Variants in TFR2 observed in about 807,000 individuals in gnomAD.
TFR2 encodes transferrin receptor protein 2.
In TFR2, 64 loss-of-function variants were observed where a neutral mutation model predicts 91.9. That is an observed-to-expected ratio of 0.70 (90% CI 0.57 to 0.86). The LOEUF (loss-of-function observed/expected upper bound fraction) is 0.86. Ranked by LOEUF, TFR2 falls within the 40% of genes least tolerant of loss-of-function variation. The pLI is 0.00. For missense variants in TFR2, 950 were observed against 1,080.5 expected (o/e 0.88, Z 1.69); for synonymous variants, 454 against 459.6 (o/e 0.99, Z 0.15).
intron 8 of TFR2, 62 bp from the exon 9 acceptor site, chr7:100,631,114 T>C: frequency 1.4e-6 from 2 of 1,437,854 alleles, no homozygotes; most frequent in East Asian, 2.5e-5. Context: ...TCCAAATCAC[T>C]CTTTTCCTTA....
At chr7:100,626,423 C>G in intron 17 of TFR2, 1 of 1,147,294 alleles carries the variant, frequency 8.7e-7, no homozygotes, top group Non-Finnish European at 1.1e-6. Context: ...CATGCTTTTT[C>G]TTTCCAGAAG....
intron 3 of TFR2, among the ~76,000 whole-genome samples, chr7:100,634,639 C>CAATTCAA (rs1430333087): frequency 4.6e-5 from 7 of 152,190 alleles, no homozygotes; most frequent in Non-Finnish European, 2.9e-5. Flanking sequence ...CAGGAAAATT[C>CAATTCAA]AATTCAAAAC....
intron 6 of TFR2, chr7:100,632,736 AC>A (rs1192698455): frequency 9.3e-6 from 3 of 321,078 alleles, no homozygotes; most frequent in African/African-American, 5.8e-5. Context: ...AAAAAAAAGA[AC>A]CTTTTTTTTT....
chr7:100,620,829 G>A lies in TFR2; in HGVS notation c.*28C>T. ...AGGAGCAGAGGAGCTCTTGACTGGG[G>A]GACGGGGATGTGAGGATCCCCAGGG... is the stretch of plus-strand genomic sequence containing the variant. On this transcript the variant is annotated 3_prime_UTR_variant, in exon 18 of 18. Transcript: ENST00000223051. The A allele has an allele frequency of 1.9e-6, 3 of 1,613,540 alleles. No individual in the cohort carries two copies. The highest frequency in any genetic ancestry group is 2.5e-6 in the Non-Finnish European group (3 of 1,179,606).
rs377134666 is a variant in TFR2, at chr7:100,627,245, C to T, written c.1995+19G>A. ...GCCTCCCACTCCCAGAGACCAAGAG[C>T]GGGGTGGGCCTCTTGAACCTTGAGG... On this transcript the variant is annotated intron_variant, in intron 16 of 17. Transcript: ENST00000223051. The T allele has an allele frequency of 4.5e-6, 7 of 1,546,736 alleles. No individual in the cohort carries two copies. Among genetic ancestry groups the T allele is most frequent in the African/African-American group, 1.4e-5 (1 of 72,942 alleles).
At chr7:100,630,841 TC>T in intron 9 of TFR2, 47 bp downstream of exon 9, 2 of 1,610,184 alleles carry the variant, frequency 1.2e-6, no homozygotes, top group East Asian at 2.2e-5. Context: ...GGGCAGAAAT[TC>T]CCCCAGCCCA....
chr7:100,621,640 CAAAG>C (rs1803114577), intron 17 of TFR2, among the ~76,000 whole-genome samples: 1 of 152,180 alleles, frequency 6.6e-6, no homozygotes, highest in Non-Finnish European at 1.5e-5. Context: ...CTCAAAGCCT[CAAAG>C]AACAATCTAT....
chr7:100,634,926 CTTTT>C (rs756262774), intron 3 of TFR2, among the ~76,000 whole-genome samples: 16 of 152,002 alleles, frequency 1.1e-4, no homozygotes, highest in Non-Finnish European at 2.2e-4. Context: ...CTTTTCTTTT[CTTTT>C]TTCTTTCTTT....
chr7:100,628,705 C>T (rs1376482630), intron 10 of TFR2, among the ~76,000 whole-genome samples: 1 of 151,998 alleles, frequency 6.6e-6, no homozygotes, highest in Non-Finnish European at 1.5e-5. Flanking sequence ...TCCAGCCCAA[C>T]ATGCTTAATC....
chr7:100,620,659 G>T lies in TFR2; in HGVS notation c.*198C>A. On this transcript the variant is annotated 3_prime_UTR_variant, in exon 18 of 18. Coordinates refer to ENST00000223051, the MANE Select transcript of TFR2 (RefSeq NM_003227.4). ...ACCGACAGTATGACCGTCACATTAG[G>T]GTCAGCTACACTGCAGGGCTGGGGT... 1 of 658,438 alleles carries T rather than the reference G, an allele frequency of 1.5e-6. No individual in the cohort carries two copies. The highest frequency in any genetic ancestry group is 2.0e-5 in the South Asian group (1 of 50,246). 40.8% of individuals were successfully genotyped at this position (658,438 alleles called of 1,614,324 possible). A position where few individuals can be genotyped will look rare whatever the true frequency, so the allele number is the denominator to read the frequency against.
In TFR2 at chr7:100,620,995, G is replaced by A. The variant is rs760061994; in HGVS notation, c.2268C>T (p.Ser756=). ...DHLRLLRSNS[S]GTPGATSSTG... ...TGGAGGAGGTGGCCCCGGGGGTCCC[G>A]GAGCTGTTGGAGCGCAGCAGCCGCA... The change falls in exon 18 of 18, where the codon TCC becomes TCT. Residue 756 remains serine (S), a synonymous_variant. Transcript: ENST00000223051. 5.0e-6 allele frequency: 8 copies of A among 1,607,618 alleles called. No individual in the cohort carries two copies. The highest frequency in any genetic ancestry group is 4.5e-5 in the East Asian group (2 of 44,494).
Position 100,620,726 on chromosome 7 carries a change from G to A in TFR2, c.*131C>T. ...TGGGGTCTGGGCTCCGTGGAGAGAT[G>A]TGTAGGGGTAATGAGAAATTGATCA... On this transcript the variant is annotated 3_prime_UTR_variant, in exon 18 of 18. Coordinates refer to ENST00000223051, the MANE Select transcript of TFR2 (RefSeq NM_003227.4). 7.7e-7 allele frequency: 1 copy of A among 1,299,118 alleles called. No homozygotes were observed. Among genetic ancestry groups the A allele is most frequent in the South Asian group, 1.3e-5 (1 of 74,086 alleles). The allele number at this position is 1,299,118 out of a possible 1,614,324, so 80.5% of individuals were successfully genotyped here. A position where few individuals can be genotyped will look rare whatever the true frequency, so the allele number is the denominator to read the frequency against.
chr7:100,633,582 T>C (rs749100711), intron 3 of TFR2, 26 bp from the exon 4 acceptor site: 1 of 1,588,436 alleles, frequency 6.3e-7, no homozygotes, highest in Non-Finnish European at 8.5e-7. Flanking sequence ...TGGGGACTTT[T>C]CTGGGCGCCC....
chr7:100,633,405 C>T lies in TFR2; in HGVS notation c.614+11G>A, dbSNP rs764706002. ...CCTCCCCGCGCGCCCCCCGCCCGCG[C>T]GCGCACTCACGGATCCGGGAATTGC... On this transcript the variant is annotated intron_variant, in intron 4 of 17. Coordinates refer to ENST00000223051, the MANE Select transcript of TFR2 (RefSeq NM_003227.4). The T allele has an allele frequency of 6.2e-6, 10 of 1,606,330 alleles. No individual in the cohort carries two copies. Among genetic ancestry groups the T allele is most frequent in the Non-Finnish European group, 8.5e-6 (10 of 1,176,196 alleles).
chr7:100,631,305 C>CT (rs542161282), intron 8 of TFR2, among the ~76,000 whole-genome samples: 408 of 95,674 alleles, frequency 4.3e-3, no homozygotes, highest in Non-Finnish European at 6.0e-3. Context: ...AGAAGAGTCA[C>CT]TTTTTTTTTT....
In TFR2 at chr7:100,632,995, A is replaced by T. The variant is rs41303468; in HGVS notation, c.849+6T>A. 524 of 1,613,614 alleles carry T rather than the reference A, an allele frequency of 3.2e-4. 3 individuals carry two copies. In the East Asian group the frequency reaches 0.011, roughly 34 times the overall value. On this transcript the variant is annotated splice_donor_region_variant and intron_variant, in intron 6 of 17. Coordinates refer to ENST00000223051, the MANE Select transcript of TFR2 (RefSeq NM_003227.4). ...TCAAGCCCTCCCTCTGTCCAGGGAC[A>T]CTTACCTTCTGGGCGAAGCTGATCA...
intron 17 of TFR2, among the ~76,000 whole-genome samples, chr7:100,624,152 C>T (rs1030403424): frequency 1.3e-5 from 2 of 152,128 alleles, no homozygotes; most frequent in Non-Finnish European, 2.9e-5. Flanking sequence ...GATGCTAAGA[C>T]CCTTAACATC....
intron 8 of TFR2, 169 bp downstream of exon 8, chr7:100,631,634 AAAG>A (rs780555504): frequency 3.7e-5 from 31 of 843,528 alleles, no homozygotes; most frequent in Middle Eastern, 3.8e-4. Context: ...AAAAAAAAAA[AAAG>A]GTCAGGGTCT....
Position 100,626,843 on chromosome 7 carries a change from C to T in TFR2, c.2056G>A (p.Glu686Lys). ...CTGTAGATCTCCTGCCGCAGCTTTT[C>T]CGCCGCCCGGATGTAGTCCCCCCGC... Reference protein sequence around the residue: ...SARGDYIRAAEKLRQEIYSSE... With the variant: ...SARGDYIRAAKKLRQEIYSSE... Residue 686 changes from glutamate (E) to lysine (K), a missense_variant, in exon 17 of 18, where the codon GAA becomes AAA. By Grantham distance (56) the Glu-to-Lys change is moderately conservative. Coordinates refer to ENST00000223051, the MANE Select transcript of TFR2 (RefSeq NM_003227.4). 6.5e-7 allele frequency: 1 copy of T among 1,549,534 alleles called. No individual in the cohort carries two copies. Among genetic ancestry groups the T allele is most frequent in the African/African-American group, 1.4e-5 (1 of 73,152 alleles).
Sources: gnomAD v4.1 joint callset for allele counts (sites outside exome capture counted in the v4.1 genomes callset) on GRCh38, gnomAD v4.1.1 for gene constraint, MANE v1.5 for transcripts, NCBI Gene and HGNC (gene_info 2026-07-23, HGNC 2026-07-21) for gene names.